The following KDM2B variants were observed in gnomAD, a reference collection of about 807,000 sequenced individuals.
The protein encoded by KDM2B is lysine demethylase 2B, also known as lysine-specific demethylase 2B.
A neutral mutation model predicts 150.0 loss-of-function variants in KDM2B; 26 were observed. That is an observed-to-expected ratio of 0.17 (90% CI 0.13 to 0.24). The LOEUF (loss-of-function observed/expected upper bound fraction) is 0.24. Among genes scored for constraint, KDM2B ranks in the 10% least tolerant of loss-of-function variants. The probability of loss-of-function intolerance (pLI) is 1.00; values close to 1 mark genes in which losing one functional copy is unlikely to be tolerated. For synonymous variants in KDM2B, 734 were observed against 729.5 expected, an observed-to-expected ratio of 1.01 and a Z score of -0.10; for missense variants, 1,265 against 1,816.9, an observed-to-expected ratio of 0.70 and a Z score of 5.52.
intron 9 of KDM2B, chr12:121,516,481 G>GCCTTCCAC (rs1566365836): frequency 5.2e-6 from 7 of 1,356,570 alleles, no homozygotes; most frequent in Admixed American, 2.2e-5. Flanking sequence ...ACAGGTTGTC[G>GCCTTCCAC]CCTTCCACCC....
rs1324352046 is a variant in KDM2B, at chr12:121,579,652, C to G, written c.127-706G>C. 2.2e-6 allele frequency: 3 copies of G among 1,355,962 alleles called. No homozygotes were observed. The Admixed American group carries it at 6.6e-5, about 30-fold the overall frequency. 84.0% of individuals were successfully genotyped at this position (1,355,962 alleles called of 1,614,324 possible). ...CTCCCCACAAGCGCGCGCGCACACT[C>G]ACTTCCTAAGGAGACTCCCCCACCA... On this transcript the variant is annotated intron_variant, in intron 1 of 22. Coordinates refer to ENST00000377071, the MANE Select transcript of KDM2B (RefSeq NM_032590.5).
chr12:121,562,431 C>G (rs782110823), intron 4 of KDM2B, among the ~76,000 whole-genome samples: 1 of 152,090 alleles, frequency 6.6e-6, no homozygotes, highest in Non-Finnish European at 1.5e-5. Context: ...TTGCAGTGAG[C>G]TGAGATGGGG....
rs782718687 is a variant in KDM2B, at chr12:121,444,391, G to GCCAGGC, written c.2190+53_2190+58dup. 7.5e-6 allele frequency: 12 copies of GCCAGGC among 1,608,044 alleles called. No homozygotes were observed. The South Asian group carries it at 9.9e-5, about 13-fold the overall frequency. On this transcript the variant is annotated intron_variant, in intron 15 of 22. Transcript: ENST00000377071. ...AAACTCCTGGGACAGGCTGGTCCCG[G>GCCAGGC]CCAGGCCCAGGCCCGCCCCTCTCCC...
In KDM2B at chr12:121,510,044, G is replaced by T. The variant is rs200692959; in HGVS notation, c.1175-5C>A. ...TGCTGGGCTTCCTCGGGGCATCTGT[G>T]GGGGCAGGGTCACAAGAAAGACCGA... is the stretch of plus-strand genomic sequence containing the variant. On this transcript the variant is annotated splice_polypyrimidine_tract_variant and splice_region_variant and intron_variant, in intron 10 of 22. Transcript: ENST00000377071. 22 of 1,537,088 alleles carry T rather than the reference G, an allele frequency of 1.4e-5. No homozygotes were observed. The highest frequency in any genetic ancestry group is 2.0e-5 in the Admixed American group (1 of 49,328).
intron 12 of KDM2B, among the ~76,000 whole-genome samples, chr12:121,490,067 G>A (rs549487584): frequency 4.6e-5 from 7 of 152,328 alleles, no homozygotes; most frequent in South Asian, 2.1e-4. Context: ...ACTGAATCAC[G>A]TGCCTCTCCT....
At chr12:121,545,305 A>G (rs562280390) in intron 6 of KDM2B, among the ~76,000 whole-genome samples, 1 of 152,292 alleles carries the variant, frequency 6.6e-6, no homozygotes, top group African/African-American at 2.4e-5. Flanking sequence ...CGGGGTCCGT[A>G]GCTCTATTCG....
At chr12:121,454,313 C>T (rs1555292346) in intron 12 of KDM2B, among the ~76,000 whole-genome samples, 1 of 152,210 alleles carries the variant, frequency 6.6e-6, no homozygotes, top group East Asian at 1.9e-4. Flanking sequence ...GGGATAGTAA[C>T]CTTTAGGTCC....
intron 8 of KDM2B, among the ~76,000 whole-genome samples, chr12:121,523,179 G>A (rs1182661758): frequency 6.6e-6 from 1 of 152,254 alleles, no homozygotes; most frequent in Non-Finnish European, 1.5e-5. Flanking sequence ...CAGCGGCTCC[G>A]TTTTTAGCCA....
chr12:121,440,731 C>T (rs1874869806), intron 21 of KDM2B, 85 bp downstream of exon 21: 3 of 1,299,300 alleles, frequency 2.3e-6, no homozygotes, highest in African/African-American at 3.0e-5. Context: ...CTTTGGGGAA[C>T]AGCTGGGGTC....
At chr12:121,414,758 C>T in the KDM2B span, among the ~76,000 whole-genome samples, 33 of 151,728 alleles carry the variant, frequency 2.2e-4, no homozygotes, top group South Asian at 6.9e-3. Flanking sequence ...CAACAATCTC[C>T]GCCTCCCGAA....
At chr12:121,580,656 C>A in intron 1 of KDM2B, 130 bp downstream of exon 1, 1 of 1,346,912 alleles carries the variant, frequency 7.4e-7, no homozygotes, top group Non-Finnish European at 1.0e-6. Flanking sequence ...GAAATGCAAG[C>A]CGAGCATGCT....
rs909907474 is a variant in KDM2B, at chr12:121,510,191, C to T, written c.1175-152G>A. 9.5e-5 allele frequency: 65 copies of T among 683,872 alleles called. No homozygotes were observed. In the African/African-American group the frequency reaches 1.0e-3, roughly 11 times the overall value. The allele number at this position is 683,872 out of a possible 1,614,324, so 42.4% of individuals were successfully genotyped here. On this transcript the variant is annotated intron_variant, in intron 10 of 22. Transcript: ENST00000377071. ...CAGTGCCTCCAGCCTCTGGAAAGGCCGTGGGGGACGCAGGTTCAGATCCCC... is the reference window on the plus strand; with the variant it reads ...CAGTGCCTCCAGCCTCTGGAAAGGCTGTGGGGGACGCAGGTTCAGATCCCC...
chr12:121,518,463 G>C lies in KDM2B; in HGVS notation c.1047+2522C>G, dbSNP rs1180888845. On this transcript the variant is annotated intron_variant, in intron 9 of 22. Coordinates refer to ENST00000377071, the MANE Select transcript of KDM2B (RefSeq NM_032590.5). The surrounding 1 kb of genome is among the most constrained non-coding windows in gnomAD (Gnocchi z 4.4). ...GCCCCCAAGCCCCCGCTGCCAGCCT[G>C]CTTCGGTGAAACCAGATGGGGTGCC... Among the ~76,000 whole-genome samples the C allele has an allele frequency of 3.3e-5, 5 of 152,204 alleles. No homozygotes were observed. Among genetic ancestry groups the C allele is most frequent in the African/African-American group, 1.2e-4 (5 of 41,456 alleles).
chr12:121,473,720 C>CCAA (rs1881023494), intron 12 of KDM2B, among the ~76,000 whole-genome samples: 2 of 122,536 alleles, frequency 1.6e-5, no homozygotes, highest in African/African-American at 6.3e-5. Context: ...ACTCCCAACT[C>CCAA]AAAAAAAAAA....
intron 12 of KDM2B, chr12:121,469,156 A>G (rs1880456732): frequency 6.6e-6 from 1 of 151,110 alleles, no homozygotes; most frequent in Non-Finnish European, 1.5e-5. Context: ...TCAGCCTCCC[A>G]AAGTGCTGGG....
At chr12:121,532,564 CCCTGAG>C (rs1887751386) in intron 8 of KDM2B, among the ~76,000 whole-genome samples, 1 of 152,234 alleles carries the variant, frequency 6.6e-6, no homozygotes, top group Admixed American at 6.5e-5. Context: ...TTCGAGTCTC[CCCTGAG>C]AGGGCCCAAG....
intron 6 of KDM2B, among the ~76,000 whole-genome samples, chr12:121,545,719 G>C (rs1307909537): frequency 6.6e-6 from 1 of 152,130 alleles, no homozygotes; most frequent in African/African-American, 2.4e-5. Flanking sequence ...GCAACAAGAG[G>C]ACCTGCAGAA....
At chr12:121,481,954 T>C (rs977627279) in intron 12 of KDM2B, among the ~76,000 whole-genome samples, 1 of 152,012 alleles carries the variant, frequency 6.6e-6, no homozygotes, top group South Asian at 2.1e-4. Flanking sequence ...AATTTTTTAG[T>C]ATTTTTAGTA....
intron 4 of KDM2B, among the ~76,000 whole-genome samples, chr12:121,569,083 C>A (rs1175690683): frequency 6.6e-6 from 1 of 152,210 alleles, no homozygotes; most frequent in Admixed American, 6.5e-5. Context: ...AGGCTGCGAC[C>A]CCGCAATGAC....
Sources: gnomAD v4.1 joint callset for allele counts (sites outside exome capture counted in the v4.1 genomes callset) on GRCh38, gnomAD v4.1.1 for gene constraint, Gnocchi (gnomAD v3.1) non-coding constraint, MANE v1.5 for transcripts, NCBI Gene and HGNC (gene_info 2026-07-23, HGNC 2026-07-21) for gene names.